CARD14: variants seen among roughly 807,000 people sequenced by gnomAD.
The protein encoded by CARD14 is caspase recruitment domain-containing protein 14.
Under a neutral mutation model 111.5 loss-of-function variants are expected in CARD14, and 107 were observed. The observed-to-expected ratio is 0.96, with a 90% CI of 0.82 to 1.13. The LOEUF is 1.13. Among genes scored for constraint, CARD14 ranks in the 50% most tolerant of loss-of-function variants. The pLI is 0.00. For missense variants in CARD14, 1,322 were observed against 1,362.3 expected, an observed-to-expected ratio of 0.97 and a Z score of 0.47; for synonymous variants, 617 against 579.6, an observed-to-expected ratio of 1.06 and a Z score of -0.93.
rs755012349 is a variant in CARD14, at chr17:80,183,991, A to G, written c.428A>G (p.Lys143Arg). The G allele has an allele frequency of 3.2e-6, 5 of 1,575,442 alleles. No homozygotes were observed. The highest frequency in any genetic ancestry group is 1.8e-5 in the Admixed American group (1 of 55,102). Residue 143 changes from lysine to arginine, a missense_variant, in exon 7 of 24, where the codon AAG becomes AGG. Coordinates refer to ENST00000648509, the MANE Select transcript of CARD14 (RefSeq NM_001366385.1). ...CTGCAGGAGGAGCTGAACCAGGAAA[A>G]GGGGCAGAAGGAGGTGCTGCTGCGG... ...GSLQEELNQE[K>R]GQKEVLLRRC... is the part of the protein sequence containing the mutation.
rs769603509 is a variant in CARD14 at position 80,191,466 on chromosome 17, G to A, written c.1233G>A (p.Pro411=). 33 of 1,611,852 alleles carry A rather than the reference G, an allele frequency of 2.0e-5. No homozygotes were observed. The highest frequency in any genetic ancestry group is 1.1e-4 in the South Asian group (10 of 91,046). The change falls in exon 11 of 24, where the codon CCG becomes CCA. Residue 411 remains proline, a synonymous_variant. Transcript: ENST00000648509. ...TQLRQLQAEP[P]GVLKQEARTR... Reference sequence around the variant, plus strand: ...TTCGCCAGCTGCAGGCAGAGCCTCCGGGTGTGGTGAGTGTTCCCGGCTGAC... The same window carrying A: ...TTCGCCAGCTGCAGGCAGAGCCTCCAGGTGTGGTGAGTGTTCCCGGCTGAC...
intron 1 of CARD14, among the ~76,000 whole-genome samples, chr17:80,170,807 C>G (rs1191428709): frequency 1.0e-5 from 1 of 98,056 alleles, no homozygotes; most frequent in Non-Finnish European, 2.1e-5. Context: ...CCCCTCCCCT[C>G]CTCTCCCCTC....
rs770233886 is a variant in CARD14, at chr17:80,171,129, C to T, written c.-690+1073C>T. On this transcript the variant is annotated intron_variant, in intron 1 of 23. Transcript: ENST00000648509. ...GTGCTGGGATTACGGGCGTGAGCCA[C>T]GGCTCCTGGCGCCTTCCCATTCACC... Among the ~76,000 whole-genome samples the T allele has an allele frequency of 8.7e-5, 13 of 148,834 alleles. No individual in the cohort carries two copies. In the East Asian group the frequency reaches 2.3e-3, roughly 26 times the overall value.
intron 22 of CARD14, chr17:80,205,883 T>TA: frequency 4.4e-6 from 2 of 456,808 alleles, no homozygotes; most frequent in Non-Finnish European, 7.7e-6. Context: ...TTCCTCAGCT[T>TA]GGGGGATGTT....
At chr17:80,173,617 T>C (rs79241405) in intron 2 of CARD14, among the ~76,000 whole-genome samples, 1 of 151,868 alleles carries the variant, frequency 6.6e-6, no homozygotes, top group African/African-American at 2.4e-5. Flanking sequence ...TTTTTTTTTT[T>C]AGATGGAGTC....
intron 2 of CARD14, among the ~76,000 whole-genome samples, chr17:80,176,849 G>A (rs1028724060): frequency 1.3e-5 from 2 of 152,210 alleles, no homozygotes; most frequent in Non-Finnish European, 2.9e-5. Flanking sequence ...GCTTCTACTG[G>A]GTGGAGGCCC....
rs5822329 is a variant in CARD14 at position 80,203,269 on chromosome 17, CAAA to C, written c.2220-540_2220-538del. 12 of 109,690 alleles carry C rather than the reference CAAA, an allele frequency of 1.1e-4. No homozygotes were observed. The highest frequency in any genetic ancestry group is 1.2e-4 in the Non-Finnish European group (6 of 49,074). 6.8% of individuals were successfully genotyped at this position (109,690 alleles called of 1,614,324 possible). ...TGGGCGACAGAGTGAGACTCTGTCT[CAAA>C]AAAAAAAAAAAAGAAAAGGAAACCA... is the stretch of plus-strand genomic sequence containing the variant. On this transcript the variant is annotated intron_variant, in intron 18 of 23. Coordinates refer to ENST00000648509, the MANE Select transcript of CARD14 (RefSeq NM_001366385.1). The surrounding 1 kb of genome is among the most constrained non-coding windows in gnomAD (Gnocchi z 4.6).
intron 1 of CARD14, among the ~76,000 whole-genome samples, chr17:80,171,699 A>G (rs1261705223): frequency 1.3e-5 from 2 of 152,134 alleles, no homozygotes; most frequent in African/African-American, 4.8e-5. Flanking sequence ...CAGAAGCCTG[A>G]GGGGCAGCTG....
chr17:80,202,104 A>C, intron 17 of CARD14, 76 bp from the exon 18 acceptor site: 1 of 1,369,250 alleles, frequency 7.3e-7, no homozygotes, highest in Non-Finnish European at 1.0e-6. Context: ...CTTCTCTCCT[A>C]CTTTAATTTT....
intron 14 of CARD14, chr17:80,196,962 G>A (rs980001563): frequency 1.6e-4 from 24 of 152,372 alleles, no homozygotes; most frequent in African/African-American, 5.8e-4. Context: ...TGTTTGGGAG[G>A]TCAAGGTGGG....
In CARD14 at chr17:80,181,490, A is replaced by C; in HGVS notation, c.52A>C (p.Thr18Pro). The C allele has an allele frequency of 2.5e-6, 4 of 1,589,450 alleles. No individual in the cohort carries two copies. The highest frequency in any genetic ancestry group is 3.4e-6 in the Non-Finnish European group (4 of 1,167,262). ...CGCACTCACGGCACTGGACGAGGAG[A>C]CACTGTGGGAGATGATGGAGAGCCA... ...DSALTALDEE[T>P]LWEMMESHRH... The change falls in exon 5 of 24, where the codon ACA (threonine) becomes CCA (proline). Residue 18 changes from threonine (T) to proline (P), a missense_variant. Transcript: ENST00000648509.
chr17:80,203,297 AT>A lies in CARD14; in HGVS notation c.2220-523del, dbSNP rs1261481607. On this transcript the variant is annotated intron_variant, in intron 18 of 23. Coordinates refer to ENST00000648509, the MANE Select transcript of CARD14 (RefSeq NM_001366385.1). This position sits in a 1 kb window ranked among gnomAD's most constrained non-coding sequence, Gnocchi z 4.6. ...AAAAAAAAAAAAAGAAAAGGAAACC[AT>A]TGTTCTAGATCAGCCTATGGGAGGC... 6.6e-6 allele frequency: 1 copy of A among 152,110 alleles called. No individual in the cohort carries two copies. The highest frequency in any genetic ancestry group is 1.5e-5 in the Non-Finnish European group (1 of 68,388). The allele number at this position is 152,110 out of a possible 1,614,324, so 9.4% of individuals were successfully genotyped here.
At position 80,198,223 on chromosome 17, in the gene CARD14, A is replaced by G; in HGVS notation, c.1658+61A>G. 1 of 1,595,432 alleles carries G rather than the reference A, an allele frequency of 6.3e-7. No individual in the cohort carries two copies. The highest frequency in any genetic ancestry group is 1.1e-5 in the South Asian group (1 of 90,576). ...GGGAACCAGGGCCAGGGAGTGGCAGAGCAGAGGGTGAGTGTCCTATTACCA... is the reference window on the plus strand; with the variant it reads ...GGGAACCAGGGCCAGGGAGTGGCAGGGCAGAGGGTGAGTGTCCTATTACCA... On this transcript the variant is annotated intron_variant, in intron 15 of 23. Coordinates refer to ENST00000648509, the MANE Select transcript of CARD14 (RefSeq NM_001366385.1). The surrounding 1 kb of genome is among the most constrained non-coding windows in gnomAD (Gnocchi z 7.5).
rs182551076 is a variant in CARD14, at chr17:80,184,176, T to A, written c.613T>A (p.Tyr205Asn). Residue 205 changes from tyrosine to asparagine, a missense_variant, in exon 7 of 24, where the codon TAT (tyrosine) becomes AAT (asparagine). Physicochemically the swap from Tyr to Asn is moderately radical, Grantham distance 143. Transcript: ENST00000648509. ...CGAGATGCTCAGCCTCTCGCTGCACTATAGCAATGCGCTGCAGGAGAAGGA... is the reference window on the plus strand; with the variant it reads ...CGAGATGCTCAGCCTCTCGCTGCACAATAGCAATGCGCTGCAGGAGAAGGA... ...KDEMLSLSLH[Y>N]SNALQEKELA... The A allele has an allele frequency of 2.6e-6, 4 of 1,562,452 alleles. No homozygotes were observed. Among genetic ancestry groups the A allele is most frequent in the East Asian group, 4.8e-5 (2 of 42,102 alleles).
rs1053581817 is a variant in CARD14 at position 80,193,818 on chromosome 17, A to G, written c.1356+1199A>G. On this transcript the variant is annotated intron_variant, in intron 12 of 23. Coordinates refer to ENST00000648509, the MANE Select transcript of CARD14 (RefSeq NM_001366385.1). ...GGGCCTCCCTGGGCCAGGACAGTCC[A>G]AACCTTCAACTGAATCGACTCTCGC... Among the ~76,000 whole-genome samples, 3 of 152,234 alleles carry G rather than the reference A, an allele frequency of 2.0e-5. 1 individual carries two copies. Among genetic ancestry groups the G allele is most frequent in the Non-Finnish European group, 4.4e-5 (3 of 67,992 alleles).
chr17:80,172,896 T>TTTTTTTTTTTTTTTTTTTG lies in CARD14; in HGVS notation c.-689-8_-689-7insTTTTTTTTTTTTTTTTGTT. On this transcript the variant is annotated splice_polypyrimidine_tract_variant and intron_variant, in intron 1 of 23. Transcript: ENST00000648509. ...TCTTTTTTTTTTTTTTTTTTTTTTTTTTGAGGTAGAGTTTCACTCTGGCTC... is the reference window on the plus strand; with the variant it reads ...TCTTTTTTTTTTTTTTTTTTTTTTTTTTTTTTTTTTTTTTTTTTGTTGAGGTAGAGTTTCACTCTGGCTC... 2 of 143,504 alleles carry TTTTTTTTTTTTTTTTTTTG rather than the reference T, an allele frequency of 1.4e-5. No homozygotes were observed. The highest frequency in any genetic ancestry group is 3.0e-5 in the Non-Finnish European group (2 of 65,832). 8.9% of individuals were successfully genotyped at this position (143,504 alleles called of 1,614,324 possible).
At position 80,188,269 on chromosome 17, in the gene CARD14, CCT is replaced by C; in HGVS notation, c.676-107_676-106del. On this transcript the variant is annotated intron_variant, in intron 7 of 23. Transcript: ENST00000648509. This position sits in a 1 kb window ranked among gnomAD's most constrained non-coding sequence, Gnocchi z 4.5. ...TTTTCAGTCTCGAGGCAGGAAGCCCCCTGAGTGCTAAAAGCATCATTAGGAGG... is the reference window on the plus strand; with the variant it reads ...TTTTCAGTCTCGAGGCAGGAAGCCCCGAGTGCTAAAAGCATCATTAGGAGG... The C allele has an allele frequency of 8.5e-7, 1 of 1,178,132 alleles. No individual in the cohort carries two copies. Among genetic ancestry groups the C allele is most frequent in the Non-Finnish European group, 1.1e-6 (1 of 876,532 alleles). The allele number at this position is 1,178,132 out of a possible 1,614,324, so 73.0% of individuals were successfully genotyped here. A position where few individuals can be genotyped will look rare whatever the true frequency, so the allele number is the denominator to read the frequency against.
Position 80,182,841 on chromosome 17 carries a change from C to CT in CARD14, c.349+52dup. 5 of 1,607,430 alleles carry CT rather than the reference C, an allele frequency of 3.1e-6. No individual in the cohort carries two copies. The highest frequency in any genetic ancestry group is 4.3e-6 in the Non-Finnish European group (5 of 1,175,084). ...GGCAGGCACTTCTAGGAACCTCAGG[C>CT]TCCTGGTAACCCCAGGTGCCCCGCT... On this transcript the variant is annotated intron_variant, in intron 6 of 23. Transcript: ENST00000648509. This position sits in a 1 kb window ranked among gnomAD's most constrained non-coding sequence, Gnocchi z 4.7.
rs1438107219 is a variant in CARD14, at chr17:80,184,058, C to A, written c.495C>A (p.Thr165=). ...QLQEHLGLAE[T]RAEGLHQLEA... is the part of the protein sequence containing the mutation. ...AGGAGCACCTGGGCCTGGCCGAGAC[C>A]CGTGCCGAGGGCCTGCACCAGCTGG... is the stretch of plus-strand genomic sequence containing the variant. Residue 165 remains threonine, a synonymous_variant, in exon 7 of 24, where the codon ACC becomes ACA. Coordinates refer to ENST00000648509, the MANE Select transcript of CARD14 (RefSeq NM_001366385.1). 8 of 1,586,562 alleles carry A rather than the reference C, an allele frequency of 5.0e-6. No homozygotes were observed. Among genetic ancestry groups the A allele is most frequent in the Non-Finnish European group, 6.9e-6 (8 of 1,167,142 alleles).
Sources: gnomAD v4.1 joint callset for allele counts (sites outside exome capture counted in the v4.1 genomes callset) on GRCh38, gnomAD v4.1.1 for gene constraint, Gnocchi (gnomAD v3.1) non-coding constraint, MANE v1.5 for transcripts, NCBI Gene and HGNC (gene_info 2026-07-23, HGNC 2026-07-21) for gene names.